PRB3: variants seen among roughly 807,000 people sequenced by gnomAD.
The protein encoded by PRB3 is proline rich protein BstNI subfamily 3, also known as basic salivary proline-rich protein 3.
PRB3 carries 9 observed loss-of-function variants against 10.0 expected under a neutral mutation model. The ratio of observed to expected loss-of-function variants is 0.90; its 90% CI spans 0.54 to 1.57. PRB3 has a LOEUF of 1.57. Among genes scored for constraint, PRB3 ranks in the 40% most tolerant of loss-of-function variants. The pLI is 0.00. For missense variants in PRB3, 285 were observed against 385.5 expected, an observed-to-expected ratio of 0.74 and a Z score of 2.18; for synonymous variants, 89 against 138.6, an observed-to-expected ratio of 0.64 and a Z score of 2.52.
At chr12:11,269,236 A>G (rs892103403) in intron 1 of PRB3, among the ~76,000 whole-genome samples, 45 of 152,190 alleles carry the variant, frequency 3.0e-4, no homozygotes, top group Non-Finnish European at 5.7e-4. Context: ...ATGCTGATCC[A>G]CTAGGTAGAG....
chr12:11,268,563 A>C (rs1289869986), intron 2 of PRB3, 70 bp downstream of exon 2: 1 of 1,508,524 alleles, frequency 6.6e-7, no homozygotes, highest in East Asian at 2.3e-5. Context: ...GTGAGAAGAC[A>C]CTGGAGAACT....
In PRB3 at chr12:11,267,178, G is replaced by C. The variant is rs749189210; in HGVS notation, c.*15C>G. ...TGAAGAATAAACTGGAATCATACCTGTCATTGAACCTTGATTACTGGGGAG... is the reference window on the plus strand; with the variant it reads ...TGAAGAATAAACTGGAATCATACCTCTCATTGAACCTTGATTACTGGGGAG... On this transcript the variant is annotated splice_region_variant and 3_prime_UTR_variant, in exon 3 of 4. Transcript: ENST00000538488. 6.3e-7 allele frequency: 1 copy of C among 1,598,526 alleles called. No individual in the cohort carries two copies. Among genetic ancestry groups the C allele is most frequent in the Non-Finnish European group, 8.6e-7 (1 of 1,165,872 alleles).
chr12:11,269,063 T>C (rs1565764133), intron 1 of PRB3, among the ~76,000 whole-genome samples: 1 of 152,170 alleles, frequency 6.6e-6, no homozygotes, highest in Non-Finnish European at 1.5e-5. Context: ...TTCAATACAA[T>C]CTTACCTATA....
rs1382203498 is a variant in PRB3, at chr12:11,267,813, GGGGTGGTCCTTCTGGCTTTCCC to G, written c.414_435del (p.Gly139HisfsTer245). On this transcript the variant is annotated frameshift_variant, in exon 3 of 4. Coordinates refer to ENST00000538488, the MANE Select transcript of PRB3 (RefSeq NM_001394862.1). LOFTEE classifies it low-confidence loss of function (END_TRUNC). Reference sequence around the variant, plus strand: ...CCTTGGGACTGGTTTCCTCCTTGTGGGGGTGGTCCTTCTGGCTTTCCCGGACGAGGCGGGGGACCTTGGGACT... The same window carrying G: ...CCTTGGGACTGGTTTCCTCCTTGTGGGGACGAGGCGGGGGACCTTGGGACT... 1 of 395,684 alleles carries G rather than the reference GGGGTGGTCCTTCTGGCTTTCCC, an allele frequency of 2.5e-6. No individual in the cohort carries two copies. The highest frequency in any genetic ancestry group is 6.4e-5 in the Admixed American group (1 of 15,720). 24.5% of individuals were successfully genotyped at this position (395,684 alleles called of 1,614,324 possible).
rs757490247 is a variant in PRB3 at position 11,267,353 on chromosome 12, G to C, written c.896C>G (p.Pro299Arg). The C allele has an allele frequency of 1.2e-6, 2 of 1,605,694 alleles. No individual in the cohort carries two copies. Among genetic ancestry groups the C allele is most frequent in the Non-Finnish European group, 1.7e-6 (2 of 1,175,738 alleles). ...CCTTCCTGGAGGAGGGGGACGTTGA[G>C]GTTTGTTACCTTCTTGTGGGGGTGG... ...QGPPPQEGNKPQRPPPPGRPQ... is the reference protein window; with the variant it reads ...QGPPPQEGNKRQRPPPPGRPQ... Residue 299 changes from proline (P) to arginine (R), a missense_variant, in exon 3 of 4, where the codon CCT becomes CGT. This residue lies in a region of PRB3 where 108 missense variants were observed against 106.9 expected (regional missense o/e 1.01). Coordinates refer to ENST00000538488, the MANE Select transcript of PRB3 (RefSeq NM_001394862.1).
intron 1 of PRB3, 68 bp from the exon 2 acceptor site, chr12:11,268,736 A>T: frequency 6.5e-7 from 1 of 1,533,952 alleles, no homozygotes; most frequent in South Asian, 1.1e-5. Context: ...CAGGTGTTCT[A>T]CAGGGAAAGG....
chr12:11,268,301 G>A (rs1408857067), intron 2 of PRB3, among the ~76,000 whole-genome samples, 153 bp from the exon 3 acceptor site: 1 of 152,184 alleles, frequency 6.6e-6, no homozygotes, highest in Non-Finnish European at 1.5e-5. Context: ...GAATGCTGGA[G>A]AAGAAGGAAG....
At chr12:11,266,946 A>T (rs1218844385) in intron 3 of PRB3, among the ~76,000 whole-genome samples, 2 of 152,214 alleles carry the variant, frequency 1.3e-5, no homozygotes, top group African/African-American at 4.8e-5. Context: ...TGCCAACACA[A>T]TTTAAGACAG....
chr12:11,267,323 T>C lies in PRB3; in HGVS notation c.926A>G (p.Gln309Arg). 1.2e-6 allele frequency: 2 copies of C among 1,610,908 alleles called. No homozygotes were observed. Among genetic ancestry groups the C allele is most frequent in the South Asian group, 2.2e-5 (2 of 90,832 alleles). Residue 309 changes from glutamine (Q) to arginine (R), a missense_variant, in exon 3 of 4, where the codon CAA becomes CGA. This residue lies in a region of PRB3 where 108 missense variants were observed against 106.9 expected (regional missense o/e 1.01). Coordinates refer to ENST00000538488, the MANE Select transcript of PRB3 (RefSeq NM_001394862.1). The part of the protein sequence containing the change: ...PQRPPPPGRP[Q>R]GPPPPGGNPQ... Reference sequence around the variant, plus strand: ...ATTGCCTCCTGGTGGGGGTGGTCCTTGTGGCCTTCCTGGAGGAGGGGGACG... The same window carrying C: ...ATTGCCTCCTGGTGGGGGTGGTCCTCGTGGCCTTCCTGGAGGAGGGGGACG...
chr12:11,269,522 AT>A, intron 1 of PRB3, 83 bp downstream of exon 1: 1 of 1,541,136 alleles, frequency 6.5e-7, no homozygotes, highest in Non-Finnish European at 9.0e-7. Context: ...CTGTGTTTTC[AT>A]TCTCCTCTCT....
At chr12:11,268,699 G>A (rs748954734) in intron 1 of PRB3, 31 bp from the exon 2 acceptor site, 3 of 1,608,520 alleles carry the variant, frequency 1.9e-6, no homozygotes, top group Non-Finnish European at 2.6e-6. Context: ...GATGGGAAAG[G>A]TTACATCTCG....
chr12:11,265,934 A>G lies in PRB3; in HGVS notation c.*113T>C, dbSNP rs7294995. The stretch of plus-strand genomic sequence containing the variant: ...CACAATCAGAAATTGTAAGCTGTTT[A>G]TTTTATTGGTATATTAAAGGTAGAG... On this transcript the variant is annotated 3_prime_UTR_variant, in exon 4 of 4. Transcript: ENST00000538488. 73,542 of 455,774 alleles carry G rather than the reference A, an allele frequency of 0.16. 6,463 individuals carry two copies. The highest frequency in any genetic ancestry group is 0.26 in the African/African-American group (12,825 of 50,050). The allele number at this position is 455,774 out of a possible 1,614,324, so 28.2% of individuals were successfully genotyped here.
intron 3 of PRB3, among the ~76,000 whole-genome samples, chr12:11,266,399 G>T (rs906982048): frequency 3.3e-5 from 5 of 152,152 alleles, no homozygotes; most frequent in Admixed American, 6.5e-5. Flanking sequence ...AAATCATGGT[G>T]CAGCCACACA....
chr12:11,268,709 G>A (rs770450143), intron 1 of PRB3, 41 bp from the exon 2 acceptor site: 22 of 1,597,920 alleles, frequency 1.4e-5, no homozygotes, highest in African/African-American at 4.0e-5. Context: ...GTTACATCTC[G>A]AATTTTGCAA....
chr12:11,268,756 A>C, intron 1 of PRB3, 88 bp from the exon 2 acceptor site: 8 of 1,419,508 alleles, frequency 5.6e-6, no homozygotes, highest in Non-Finnish European at 8.0e-6. Context: ...GGGACTTCTC[A>C]CCACACCCCA....
chr12:11,266,668 C>T (rs1037375108), intron 3 of PRB3, among the ~76,000 whole-genome samples: 2 of 152,158 alleles, frequency 1.3e-5, no homozygotes, highest in African/African-American at 2.4e-5. Flanking sequence ...TGAGCTACGC[C>T]TTTAAAATTA....
intron 1 of PRB3, 164 bp from the exon 2 acceptor site, chr12:11,268,832 G>C (rs1687088881): frequency 3.4e-6 from 3 of 876,290 alleles, no homozygotes; most frequent in Non-Finnish European, 5.7e-6. Context: ...GAAGGTGTAA[G>C]GGGAGGCAGG....
Position 11,267,529 on chromosome 12 carries a change from T to C in PRB3, c.720A>G (p.Pro240=), listed in dbSNP as rs1318943833. ...GTCCTTCTGGCTTTCCTGGACGAGGTGGGGGACCTTGAGGTTTGTTGCCTC... is the reference window on the plus strand; with the variant it reads ...GTCCTTCTGGCTTTCCTGGACGAGGCGGGGGACCTTGAGGTTTGTTGCCTC... ...PQGGNKPQGP[P]PRPGKPEGPP... Residue 240 remains proline (P), a synonymous_variant, in exon 3 of 4, where the codon CCA becomes CCG. Coordinates refer to ENST00000538488, the MANE Select transcript of PRB3 (RefSeq NM_001394862.1). 10 of 96,708 alleles carry C rather than the reference T, an allele frequency of 1.0e-4. No individual in the cohort carries two copies. The East Asian group carries it at 2.3e-3, about 23-fold the overall frequency. 6.0% of individuals were successfully genotyped at this position (96,708 alleles called of 1,614,324 possible).
At position 11,267,977 on chromosome 12, in the gene PRB3, C is replaced by T. The variant is rs561943973; in HGVS notation, c.272G>A (p.Gly91Asp). The T allele has an allele frequency of 6.3e-7, 1 of 1,583,378 alleles. No individual in the cohort carries two copies. The highest frequency in any genetic ancestry group is 1.5e-5 in the African/African-American group (1 of 68,244). ...PPPQGGNQSQGPPPRPGKPEG... is the reference protein window; with the variant it reads ...PPPQGGNQSQDPPPRPGKPEG... ...TGGCTTTCCCGGACGAGGTGGGGGA[C>T]CTTGGGACTGGTTTCCTCCTTGTGG... Residue 91 changes from glycine (G) to aspartate (D), a missense_variant, in exon 3 of 4, where the codon GGT (glycine) becomes GAT (aspartate). Physicochemically the swap from Gly to Asp is moderately conservative, Grantham distance 94. This residue lies in a region of PRB3 where 147 missense variants were observed against 129.4 expected (regional missense o/e 1.14). Transcript: ENST00000538488.
Sources: gnomAD v4.1 joint callset for allele counts (sites outside exome capture counted in the v4.1 genomes callset) on GRCh38, gnomAD v4.1.1 for gene constraint, gnomAD v4.1.1 regional missense constraint, MANE v1.5 for transcripts, NCBI Gene and HGNC (gene_info 2026-07-23, HGNC 2026-07-21) for gene names.